Variants in SCD5 observed in about 807,000 individuals in gnomAD.
SCD5 encodes the protein stearoyl-CoA desaturase 5.
In SCD5, 20 loss-of-function variants were observed where a neutral mutation model predicts 30.4. The ratio of observed to expected loss-of-function variants is 0.66; its 90% CI spans 0.46 to 0.96. The LOEUF is 0.96. Ranked by LOEUF, SCD5 falls within the 40% of genes least tolerant of loss-of-function variation. SCD5 has a pLI of 0.00. For missense variants in SCD5, 381 were observed against 443.3 expected (o/e 0.86, Z 1.26); for synonymous variants, 173 against 176.4 (o/e 0.98, Z 0.16).
At chr4:82,697,111 AT>A (rs1719712799) in intron 2 of SCD5, among the ~76,000 whole-genome samples, 1 of 152,220 alleles carries the variant, frequency 6.6e-6, no homozygotes, top group Non-Finnish European at 1.5e-5. Context: ...ACTTCTAAAG[AT>A]CTTTAGGAAA....
intron 3 of SCD5, among the ~76,000 whole-genome samples, chr4:82,677,777 T>C (rs1211379715): frequency 6.6e-6 from 1 of 152,212 alleles, no homozygotes; most frequent in East Asian, 1.9e-4. Context: ...TAATCTAAGA[T>C]GCATGTACTT....
intron 1 of SCD5, among the ~76,000 whole-genome samples, chr4:82,708,830 G>A (rs528618059): frequency 6.6e-6 from 1 of 152,308 alleles, no homozygotes; most frequent in South Asian, 2.1e-4. Context: ...ATCCCTGAGT[G>A]CTCGACAGAA....
At chr4:82,650,553 A>G (rs1727730518) in intron 3 of SCD5, among the ~76,000 whole-genome samples, 1 of 152,186 alleles carries the variant, frequency 6.6e-6, no homozygotes, top group Non-Finnish European at 1.5e-5. Flanking sequence ...AAAATTAGCC[A>G]GGCATTGTGG....
chr4:82,680,372 C>A (rs562422140), intron 3 of SCD5, among the ~76,000 whole-genome samples: 2 of 152,140 alleles, frequency 1.3e-5, no homozygotes, highest in Non-Finnish European at 1.5e-5. Context: ...AGCCAGCCCC[C>A]CTTCTGCTAC....
In SCD5 at chr4:82,747,069, G is replaced by A. The variant is rs114249560; in HGVS notation, c.233-41656C>T. 2.4e-3 allele frequency among the ~76,000 whole-genome samples: 341 copies of A among 139,808 alleles called. 9 individuals are homozygous for A. In the South Asian group the frequency reaches 0.025, roughly 10 times the overall value. 91.7% of individuals were successfully genotyped at this position (139,808 alleles called of 152,430 possible). On this transcript the variant is annotated intron_variant, in intron 1 of 4. Coordinates refer to ENST00000319540, the MANE Select transcript of SCD5 (RefSeq NM_001037582.3). ...AGTTAGAGAAAAGTCTGGGCAACCT[G>A]CCCCCCAAGAAAGACGACCTTCCCA...
chr4:82,756,659 C>A (rs376700940), intron 1 of SCD5, among the ~76,000 whole-genome samples: 1 of 120,608 alleles, frequency 8.3e-6, no homozygotes, highest in Non-Finnish European at 1.7e-5. Flanking sequence ...TCCTCCCCCA[C>A]CCCCCTCCCC....
intron 1 of SCD5, among the ~76,000 whole-genome samples, chr4:82,709,693 C>T (rs1720040998): frequency 6.6e-6 from 1 of 152,220 alleles, no homozygotes; most frequent in Non-Finnish European, 1.5e-5. Flanking sequence ...TTTGTTCCAG[C>T]AATTCCACTT....
At chr4:82,635,493 T>C (rs1263983344) in intron 4 of SCD5, among the ~76,000 whole-genome samples, 2 of 151,724 alleles carry the variant, frequency 1.3e-5, no homozygotes, top group Non-Finnish European at 2.9e-5. Context: ...TGGTGGTGGG[T>C]GCCTGTAGTC....
intron 3 of SCD5, among the ~76,000 whole-genome samples, chr4:82,654,382 C>T (rs1051861616): frequency 2.0e-5 from 3 of 152,180 alleles, no homozygotes; most frequent in African/African-American, 7.2e-5. Flanking sequence ...GTCTCTATTT[C>T]ACTGGGAATT....
chr4:82,636,895 G>A, intron 3 of SCD5, 72 bp from the exon 4 acceptor site: 3 of 1,299,096 alleles, frequency 2.3e-6, no homozygotes, highest in Middle Eastern at 1.9e-4. Flanking sequence ...CAAGTCACAG[G>A]AAAAGTCAGA....
At chr4:82,782,909 C>T (rs570546185) in intron 1 of SCD5, among the ~76,000 whole-genome samples, 1 of 152,260 alleles carries the variant, frequency 6.6e-6, no homozygotes, top group East Asian at 1.9e-4. Flanking sequence ...GAGAGCCACA[C>T]AACAATACTG....
intron 1 of SCD5, among the ~76,000 whole-genome samples, chr4:82,760,642 A>G (rs996992733): frequency 6.6e-6 from 1 of 151,158 alleles, no homozygotes; most frequent in Non-Finnish European, 1.5e-5. Context: ...AGACCCTACC[A>G]CTCTCCATCT....
At chr4:82,693,045 C>T (rs1719596875) in intron 2 of SCD5, among the ~76,000 whole-genome samples, 2 of 152,244 alleles carry the variant, frequency 1.3e-5, no homozygotes, top group African/African-American at 2.4e-5. Flanking sequence ...TCAGTGTGAC[C>T]CTGATCAGAC....
chr4:82,776,495 A>G (rs748826987), intron 1 of SCD5, among the ~76,000 whole-genome samples: 44 of 152,348 alleles, frequency 2.9e-4, no homozygotes, highest in Non-Finnish European at 5.3e-4. Flanking sequence ...GAACTGACTT[A>G]GAGGTGTTCA....
rs1222230778 is a variant in SCD5, at chr4:82,680,814, G to A, written c.462C>T (p.Ser154=). 1 of 1,613,614 alleles carries A rather than the reference G, an allele frequency of 6.2e-7. No individual in the cohort carries two copies. Among genetic ancestry groups the A allele is most frequent in the Non-Finnish European group, 8.5e-7 (1 of 1,179,984 alleles). ...TGCGAACAAACAGCCACCCAATATGGGAGAAGAAGAAGCCCCGGCGGGCAT... is the reference window on the plus strand; with the variant it reads ...TGCGAACAAACAGCCACCCAATATGAGAGAAGAAGAAGCCCCGGCGGGCAT... The part of the protein sequence containing the change: ...PHNARRGFFF[S]HIGWLFVRKH... The change falls in exon 3 of 5, where the codon TCC becomes TCT. Residue 154 remains serine, a synonymous_variant. Coordinates refer to ENST00000319540, the MANE Select transcript of SCD5 (RefSeq NM_001037582.3).
At chr4:82,760,237 C>A (rs146837651) in intron 1 of SCD5, among the ~76,000 whole-genome samples, 1 of 152,270 alleles carries the variant, frequency 6.6e-6, no homozygotes, top group African/African-American at 2.4e-5. Flanking sequence ...ACAGTCCTGA[C>A]AACCTGAGCC....
chr4:82,637,023 A>T (rs1040252060), intron 3 of SCD5, among the ~76,000 whole-genome samples, 200 bp from the exon 4 acceptor site: 1 of 152,206 alleles, frequency 6.6e-6, no homozygotes, highest in African/African-American at 2.4e-5. Flanking sequence ...AGGTAACATA[A>T]ATTTGAGAGT....
intron 1 of SCD5, among the ~76,000 whole-genome samples, chr4:82,791,383 C>G (rs1175951908): frequency 6.6e-6 from 1 of 151,878 alleles, no homozygotes; most frequent in Non-Finnish European, 1.5e-5. Context: ...GTTGTTGTGG[C>G]CACCAATCCA....
At chr4:82,663,361 C>T (rs1728061749) in intron 3 of SCD5, among the ~76,000 whole-genome samples, 1 of 152,156 alleles carries the variant, frequency 6.6e-6, no homozygotes, top group Non-Finnish European at 1.5e-5. Flanking sequence ...TATTCACACT[C>T]AAGCTTTTCT....
Sources: gnomAD v4.1 joint callset for allele counts (sites outside exome capture counted in the v4.1 genomes callset) on GRCh38, gnomAD v4.1.1 for gene constraint, MANE v1.5 for transcripts, NCBI Gene and HGNC (gene_info 2026-07-23, HGNC 2026-07-21) for gene names.